VAV3: variants seen among roughly 807,000 people sequenced by gnomAD.
The protein encoded by VAV3 is vav guanine nucleotide exchange factor 3, also known as guanine nucleotide exchange factor VAV3.
In VAV3, 94 loss-of-function variants were observed where a neutral mutation model predicts 131.2. The observed-to-expected ratio is 0.72, with a 90% CI of 0.61 to 0.85. The LOEUF is 0.85. Ranked by LOEUF, VAV3 falls within the 40% of genes least tolerant of loss-of-function variation. The probability of loss-of-function intolerance (pLI) is 0.00; values close to 1 mark genes in which losing one functional copy is unlikely to be tolerated. For synonymous variants in VAV3, 349 were observed against 342.0 expected (o/e 1.02, Z -0.22); for missense variants, 939 against 1,002.7 (o/e 0.94, Z 0.86).
chr1:107,786,347 T>C (rs531890018), intron 2 of VAV3, among the ~76,000 whole-genome samples: 4 of 152,166 alleles, frequency 2.6e-5, no homozygotes, highest in Non-Finnish European at 5.9e-5. Context: ...CTGGGCTGAT[T>C]AGAAGTGCAG....
At chr1:107,934,487 C>G (rs1255651781) in intron 1 of VAV3, among the ~76,000 whole-genome samples, 1 of 152,114 alleles carries the variant, frequency 6.6e-6, no homozygotes, top group African/African-American at 2.4e-5. Flanking sequence ...GTTTTTTAAG[C>G]CATTTAACTA....
chr1:107,727,719 T>C (rs1045770398), intron 15 of VAV3, among the ~76,000 whole-genome samples: 1 of 152,232 alleles, frequency 6.6e-6, no homozygotes, highest in Non-Finnish European at 1.5e-5. Flanking sequence ...CTTTGTGGGC[T>C]TTGCACATTT....
chr1:107,733,799 C>T (rs997345090), intron 15 of VAV3, among the ~76,000 whole-genome samples: 1 of 152,180 alleles, frequency 6.6e-6, no homozygotes, highest in Non-Finnish European at 1.5e-5. Context: ...AGAATGGAAT[C>T]AAGCTGGAAA....
At chr1:107,732,153 T>G (rs888401110) in intron 15 of VAV3, among the ~76,000 whole-genome samples, 1 of 152,228 alleles carries the variant, frequency 6.6e-6, no homozygotes, top group African/African-American at 2.4e-5. Flanking sequence ...AAACAATGTG[T>G]AGTATAATCT....
intron 1 of VAV3, among the ~76,000 whole-genome samples, chr1:107,951,838 A>G (rs972284009): frequency 5.3e-5 from 8 of 152,014 alleles, no homozygotes; most frequent in African/African-American, 1.9e-4. Flanking sequence ...TGACAAGATT[A>G]TGGAGAAAAA....
chr1:107,753,458 ATG>A (rs563756938), intron 12 of VAV3, among the ~76,000 whole-genome samples: 9 of 147,486 alleles, frequency 6.1e-5, no homozygotes, highest in Non-Finnish European at 1.2e-4. Context: ...TATAGCATTA[ATG>A]TGTGTGTGTA....
In VAV3 at chr1:107,603,443, A is replaced by G. The variant is rs545915153; in HGVS notation, c.2016-280T>C. Among the ~76,000 whole-genome samples the G allele has an allele frequency of 3.2e-4, 48 of 152,318 alleles. 1 individual carries two copies. Among genetic ancestry groups the G allele is most frequent in the African/African-American group, 1.2e-3 (48 of 41,590 alleles). ...ACAGAGGAGTCAGTGGGTATTGGGT[A>G]AAAAGACAGTTGTGGGGAGCTTAGG... On this transcript the variant is annotated intron_variant, in intron 22 of 26. Transcript: ENST00000370056.
intron 1 of VAV3, among the ~76,000 whole-genome samples, chr1:107,897,458 A>T (rs1671645340): frequency 6.6e-6 from 1 of 151,762 alleles, no homozygotes; most frequent in Non-Finnish European, 1.5e-5. Context: ...AGCAACCAGG[A>T]CCCAGAAAGG....
chr1:107,632,617 A>G (rs548458948), intron 20 of VAV3, among the ~76,000 whole-genome samples: 1 of 152,190 alleles, frequency 6.6e-6, no homozygotes, highest in African/African-American at 2.4e-5. Flanking sequence ...TGAACTTTAA[A>G]TATGTGTGCA....
chr1:107,818,833 C>G (rs1325147395), intron 2 of VAV3, among the ~76,000 whole-genome samples: 1 of 152,164 alleles, frequency 6.6e-6, no homozygotes. Context: ...TCCAGCCCTC[C>G]CCTCTCGACA....
At chr1:107,794,010 T>C (rs1666425183) in intron 2 of VAV3, among the ~76,000 whole-genome samples, 1 of 152,246 alleles carries the variant, frequency 6.6e-6, no homozygotes, top group African/African-American at 2.4e-5. Context: ...TGACTCTAGT[T>C]AATTACTGCG....
chr1:107,631,719 C>T (rs911811053), intron 20 of VAV3, among the ~76,000 whole-genome samples: 1 of 146,310 alleles, frequency 6.8e-6, no homozygotes. Context: ...TGAGTGAGAA[C>T]ATGCGGTGTT....
chr1:107,715,286 T>A (rs1323598201), intron 15 of VAV3, among the ~76,000 whole-genome samples: 2 of 151,894 alleles, frequency 1.3e-5, no homozygotes, highest in Non-Finnish European at 2.9e-5. Context: ...AAATAAATAG[T>A]ACTTACTAAA....
At chr1:107,589,263 T>C (rs1259233892) in intron 25 of VAV3, among the ~76,000 whole-genome samples, 9 of 151,876 alleles carry the variant, frequency 5.9e-5, no homozygotes, top group Non-Finnish European at 1.5e-5. Context: ...GAAACAGGGG[T>C]CTTTGCAGAT....
chr1:107,813,715 C>T (rs942336594), intron 2 of VAV3, among the ~76,000 whole-genome samples: 1 of 152,164 alleles, frequency 6.6e-6, no homozygotes, highest in African/African-American at 2.4e-5. Context: ...TTCTATCTAA[C>T]TGTATGCTTG....
At chr1:107,878,326 C>A (rs1341353659) in intron 1 of VAV3, among the ~76,000 whole-genome samples, 1 of 152,104 alleles carries the variant, frequency 6.6e-6, no homozygotes, top group Non-Finnish European at 1.5e-5. Flanking sequence ...AATATCCATT[C>A]CATATTCAAA....
chr1:107,592,655 G>A (rs1651058568), intron 25 of VAV3, among the ~76,000 whole-genome samples: 1 of 151,876 alleles, frequency 6.6e-6, no homozygotes, highest in Non-Finnish European at 1.5e-5. Context: ...GCAAACAAAG[G>A]AAAAAACCTA....
At chr1:107,590,390 C>T (rs1650854185) in intron 25 of VAV3, among the ~76,000 whole-genome samples, 1 of 152,144 alleles carries the variant, frequency 6.6e-6, no homozygotes, top group Non-Finnish European at 1.5e-5. Flanking sequence ...TTGAGAATGA[C>T]AAGCAAAGGG....
At chr1:107,901,218 TA>T in intron 1 of VAV3, among the ~76,000 whole-genome samples, 1 of 152,270 alleles carries the variant, frequency 6.6e-6, no homozygotes, top group Middle Eastern at 3.4e-3. Flanking sequence ...AGGAAGCAAA[TA>T]ATTTCTGGCC....
Sources: allele counts gnomAD v4.1 joint callset (sites outside exome capture counted in the v4.1 genomes callset), GRCh38; gene constraint gnomAD v4.1.1; transcripts MANE v1.5; gene names NCBI Gene and HGNC (gene_info 2026-07-23, HGNC 2026-07-21).